The following ACSL1 variants were observed in gnomAD, a reference collection of about 807,000 sequenced individuals.
The protein encoded by ACSL1 is long-chain-fatty-acid--CoA ligase 1.
ACSL1 carries 41 observed loss-of-function variants against 98.4 expected under a neutral mutation model. That is an observed-to-expected ratio of 0.42 (90% CI 0.32 to 0.54). The LOEUF is 0.54. ACSL1 is among the 20% of genes least tolerant of loss of function. ACSL1 has a pLI of 0.13. For missense variants in ACSL1, 734 were observed against 883.1 expected (o/e 0.83, Z 2.14); for synonymous variants, 316 against 322.7 (o/e 0.98, Z 0.22).
At chr4:184,811,034 C>T (rs767775822) in intron 1 of ACSL1, among the ~76,000 whole-genome samples, 27 of 152,298 alleles carry the variant, frequency 1.8e-4, no homozygotes, top group South Asian at 1.5e-3. Context: ...TCAGCCCAGT[C>T]GTGCGTGGGT....
rs116516387 is a variant in ACSL1 at position 184,775,143 on chromosome 4, A to T, written c.757-1268T>A. ...TCTCTTACAGTATCACTTAGGAAAA[A>T]TACTGCAATTATTATTATTTTTTGA... On this transcript the variant is annotated intron_variant, in intron 7 of 20. Coordinates refer to ENST00000281455, the MANE Select transcript of ACSL1 (RefSeq NM_001995.5). Among the ~76,000 whole-genome samples, 641 of 152,288 alleles carry T rather than the reference A, an allele frequency of 4.2e-3. 3 individuals carry two copies. The highest frequency in any genetic ancestry group is 0.015 in the African/African-American group (611 of 41,562).
In ACSL1 at chr4:184,776,627, T is replaced by C. The variant is rs1366996240; in HGVS notation, c.613A>G (p.Lys205Glu). 6.2e-7 allele frequency: 1 copy of C among 1,613,102 alleles called. No individual in the cohort carries two copies. The highest frequency in any genetic ancestry group is 1.1e-5 in the South Asian group (1 of 91,066). The change falls in exon 7 of 21, where the codon AAG becomes GAG. Residue 205 changes from lysine (K) to glutamate (E), a missense_variant. Transcript: ENST00000281455. ...ACACCCTCTAATAAGAGTTTGGCCT[T>C]CTCTGGCTTGTCAACAAAAACCAGA... ...LSLVFVDKPE[K>E]AKLLLEGVEN...
intron 5 of ACSL1, among the ~76,000 whole-genome samples, chr4:184,778,020 CAA>C (rs10571387): frequency 0.23 from 34,804 of 151,984 alleles, 4,115 homozygotes; most frequent in Middle Eastern, 0.31. Flanking sequence ...TGTCTAGCAG[CAA>C]AACTGTTTTG....
intron 7 of ACSL1, 81 bp downstream of exon 7, chr4:184,776,403 T>C: frequency 2.0e-6 from 3 of 1,477,944 alleles, no homozygotes; most frequent in Non-Finnish European, 2.7e-6. Context: ...ACCATAGCAC[T>C]AGATAGCACT....
intron 2 of ACSL1, among the ~76,000 whole-genome samples, chr4:184,792,460 G>C (rs910065016): frequency 1.3e-4 from 19 of 151,976 alleles, no homozygotes; most frequent in Admixed American, 6.6e-4. Context: ...TCCCGAAACA[G>C]GGGCAGGCTC....
chr4:184,763,930 T>A (rs937776687), intron 15 of ACSL1, among the ~76,000 whole-genome samples: 3 of 152,120 alleles, frequency 2.0e-5, no homozygotes, highest in African/African-American at 7.3e-5. Context: ...GTATTCCAAA[T>A]TCTCTGTTAA....
intron 17 of ACSL1, among the ~76,000 whole-genome samples, chr4:184,761,029 A>C (rs539155636): frequency 2.4e-4 from 37 of 152,324 alleles, no homozygotes; most frequent in African/African-American, 8.4e-4. Flanking sequence ...GTGCTCTAGC[A>C]TCTCTGGACC....
rs1040889939 is a variant in ACSL1 at position 184,756,208 on chromosome 4, C to A, written c.*917G>T. The stretch of plus-strand genomic sequence containing the variant: ...TTGATATGAAAACCACATTAAAAAT[C>A]TGTTGGCCTTTACACAGAGTGAGTG... On this transcript the variant is annotated 3_prime_UTR_variant, in exon 21 of 21. Transcript: ENST00000281455. 6.6e-6 allele frequency: 1 copy of A among 152,594 alleles called. No individual in the cohort carries two copies. Among genetic ancestry groups the A allele is most frequent in the Non-Finnish European group, 1.5e-5 (1 of 68,028 alleles). The allele number at this position is 152,594 out of a possible 1,614,324, so 9.5% of individuals were successfully genotyped here.
At chr4:184,780,256 G>A in intron 5 of ACSL1, 76 bp downstream of exon 5, 1 of 1,202,686 alleles carries the variant, frequency 8.3e-7, no homozygotes, top group Non-Finnish European at 1.2e-6. Flanking sequence ...TACAAAATCT[G>A]GTCTCTAGCA....
chr4:184,806,541 CTGAG>C (rs529193304), intron 1 of ACSL1, among the ~76,000 whole-genome samples: 1 of 152,134 alleles, frequency 6.6e-6, no homozygotes, highest in Non-Finnish European at 1.5e-5. Context: ...GATCACATCC[CTGAG>C]TGAGAATCTT....
intron 7 of ACSL1, among the ~76,000 whole-genome samples, chr4:184,774,523 C>A (rs1764993672): frequency 1.3e-5 from 2 of 152,184 alleles, no homozygotes; most frequent in Admixed American, 6.5e-5. Context: ...ATGACAGAAG[C>A]ATTGCGCGGG....
At chr4:184,780,250 A>G in intron 5 of ACSL1, 82 bp downstream of exon 5, 2 of 1,169,342 alleles carry the variant, frequency 1.7e-6, no homozygotes, top group Non-Finnish European at 2.5e-6. Flanking sequence ...TCAGACTACA[A>G]AATCTGGTCT....
At chr4:184,764,611 C>T (rs933085288) in intron 15 of ACSL1, among the ~76,000 whole-genome samples, 1 of 152,178 alleles carries the variant, frequency 6.6e-6, no homozygotes, top group Admixed American at 6.5e-5. Context: ...AGAGTCTAGG[C>T]AAGTCTCTGC....
Position 184,757,089 on chromosome 4 carries a change from G to A in ACSL1, c.*36C>T. ...GCCATCAGCAGGAGAAGAGATTGTG[G>A]AACTGTGCCATTTCCTCTGAGCTTT... On this transcript the variant is annotated 3_prime_UTR_variant, in exon 21 of 21. Coordinates refer to ENST00000281455, the MANE Select transcript of ACSL1 (RefSeq NM_001995.5). This position sits in a 1 kb window ranked among gnomAD's most constrained non-coding sequence, Gnocchi z 4.5. 6.5e-7 allele frequency: 1 copy of A among 1,537,492 alleles called. No individual in the cohort carries two copies. Among genetic ancestry groups the A allele is most frequent in the Non-Finnish European group, 8.9e-7 (1 of 1,129,188 alleles).
intron 2 of ACSL1, among the ~76,000 whole-genome samples, chr4:184,792,290 G>A (rs1194853893): frequency 6.6e-6 from 1 of 152,122 alleles, no homozygotes; most frequent in African/African-American, 2.4e-5. Context: ...CGATGATACG[G>A]GATAAAAGGT....
At chr4:184,771,937 T>C (rs987729021) in intron 10 of ACSL1, among the ~76,000 whole-genome samples, 39 of 152,202 alleles carry the variant, frequency 2.6e-4, no homozygotes, top group Admixed American at 1.9e-3. Context: ...AGGATGAAAT[T>C]GTTATATTAA....
In ACSL1 at chr4:184,825,508, G is replaced by C. The variant is rs1440053990; in HGVS notation, c.-33+408C>G. ...GAGCCCGGCCTCTGGGCAGGCGGGGGCCGCGGACGAGGGCAACGTCAGCGG... is the reference window on the plus strand; with the variant it reads ...GAGCCCGGCCTCTGGGCAGGCGGGGCCCGCGGACGAGGGCAACGTCAGCGG... On this transcript the variant is annotated intron_variant, in intron 1 of 20. Coordinates refer to ENST00000281455, the MANE Select transcript of ACSL1 (RefSeq NM_001995.5). This position sits in a 1 kb window ranked among gnomAD's most constrained non-coding sequence, Gnocchi z 4.7. Among the ~76,000 whole-genome samples the C allele has an allele frequency of 2.0e-5, 3 of 151,960 alleles. No individual in the cohort carries two copies. Among genetic ancestry groups the C allele is most frequent in the East Asian group, 1.9e-4 (1 of 5,136 alleles).
upstream of ACSL1, chr4:184,826,172 T>A (rs567326391): frequency 6.7e-6 from 1 of 148,498 alleles, no homozygotes; most frequent in Non-Finnish European, 1.5e-5. Flanking sequence ...GCCGCCCTCC[T>A]GTCTGGGCGC....
At position 184,763,209 on chromosome 4, in the gene ACSL1, A is replaced by G; in HGVS notation, c.1479T>C (p.Asp493=). The G allele has an allele frequency of 6.2e-7, 1 of 1,614,040 alleles. No individual in the cohort carries two copies. The highest frequency in any genetic ancestry group is 8.5e-7 in the Non-Finnish European group (1 of 1,179,998). Residue 493 remains aspartate, a synonymous_variant, in exon 16 of 21, where the codon GAT becomes GAC. Transcript: ENST00000281455. The part of the protein sequence containing the change: ...PMPCNLIKLV[D]VEEMNYMAAE... The stretch of plus-strand genomic sequence containing the variant: ...CAGCCATGTAATTCATTTCTTCCAC[A>G]TCAACAAGTTTTATCAAATTGCACG...
Sources: gnomAD v4.1 joint callset for allele counts (sites outside exome capture counted in the v4.1 genomes callset) on GRCh38, gnomAD v4.1.1 for gene constraint, Gnocchi (gnomAD v3.1) non-coding constraint, MANE v1.5 for transcripts, NCBI Gene and HGNC (gene_info 2026-07-23, HGNC 2026-07-21) for gene names.